The following CFAP221 variants were observed in gnomAD, a reference collection of about 807,000 sequenced individuals.
CFAP221 encodes cilia and flagella associated protein 221.
CFAP221 carries 97 observed loss-of-function variants against 113.1 expected under a neutral mutation model. The ratio of observed to expected loss-of-function variants is 0.86; its 90% CI spans 0.73 to 1.02. The LOEUF (loss-of-function observed/expected upper bound fraction) is 1.02, where lower values mean the gene tolerates loss of function less well. Among genes scored for constraint, CFAP221 ranks in the 50% least tolerant of loss-of-function variants. CFAP221 has a pLI of 0.00. For synonymous variants in CFAP221, 331 were observed against 354.4 expected (o/e 0.93, Z 0.74); for missense variants, 1,025 against 1,013.4 (o/e 1.01, Z -0.16).
At chr2:119,565,569 G>A (rs1202124459) in intron 6 of CFAP221, among the ~76,000 whole-genome samples, 5 of 152,084 alleles carry the variant, frequency 3.3e-5, no homozygotes, top group Non-Finnish European at 7.4e-5. Flanking sequence ...AAGCTACTTT[G>A]TATATAACAC....
chr2:119,610,176 A>G (rs1029856815), intron 12 of CFAP221, among the ~76,000 whole-genome samples: 6 of 152,118 alleles, frequency 3.9e-5, no homozygotes, highest in Admixed American at 3.9e-4. Flanking sequence ...AGTGACAGCC[A>G]AGGAGCAGTC....
chr2:119,578,717 C>G (rs1369401391), intron 6 of CFAP221, among the ~76,000 whole-genome samples: 2 of 152,176 alleles, frequency 1.3e-5, no homozygotes, highest in Admixed American at 6.5e-5. Flanking sequence ...TGAACCTAGT[C>G]ATCGTGGAAA....
intron 6 of CFAP221, among the ~76,000 whole-genome samples, chr2:119,571,038 C>G (rs1410106934): frequency 6.6e-6 from 1 of 151,774 alleles, no homozygotes; most frequent in African/African-American, 2.4e-5. Flanking sequence ...GAGTTCAAGA[C>G]CAGCCTGGCC....
chr2:119,609,348 T>TA (rs1180831828), intron 12 of CFAP221, among the ~76,000 whole-genome samples: 1 of 152,198 alleles, frequency 6.6e-6, no homozygotes, highest in African/African-American at 2.4e-5. Flanking sequence ...CAGACTGCCA[T>TA]AACAAAGTAC....
chr2:119,653,241 C>T (rs956432080), intron 23 of CFAP221, among the ~76,000 whole-genome samples: 5 of 151,728 alleles, frequency 3.3e-5, no homozygotes, highest in East Asian at 3.9e-4. Context: ...ATTAGCTGGG[C>T]GTGGTGGCAG....
chr2:119,560,866 T>A (rs926126580), intron 5 of CFAP221, among the ~76,000 whole-genome samples: 2 of 152,078 alleles, frequency 1.3e-5, no homozygotes, highest in Admixed American at 6.5e-5. Flanking sequence ...CTTCGTCATA[T>A]TAGAGATGCA....
At chr2:119,604,342 G>C (rs1214448251) in intron 8 of CFAP221, among the ~76,000 whole-genome samples, 1 of 151,930 alleles carries the variant, frequency 6.6e-6, no homozygotes, top group African/African-American at 2.4e-5. Context: ...GCTGAGGCAG[G>C]AGAATCACTT....
rs200240028 is a variant in CFAP221 at position 119,627,756 on chromosome 2, C to G, written c.1620C>G (p.Asp540Glu). Residue 540 changes from aspartate (D) to glutamate (E), a missense_variant, in exon 16 of 24, where the codon GAC becomes GAG. Asp to Glu is a conservative substitution (Grantham distance 45). Coordinates refer to ENST00000413369, the MANE Select transcript of CFAP221 (RefSeq NM_001271049.2). ...AGGTGCTGCCCTTCGCTTTCCCAGA[C>G]TGCAGCCCACCCCAGGACTCCAACG... Reference protein sequence around the residue: ...PKEVLPFAFPDCSPPQDSNEL... With the variant: ...PKEVLPFAFPECSPPQDSNEL... 6.2e-7 allele frequency: 1 copy of G among 1,613,918 alleles called. No individual in the cohort carries two copies. The highest frequency in any genetic ancestry group is 1.3e-5 in the African/African-American group (1 of 74,978).
chr2:119,589,780 CCTG>C (rs1170930459), intron 7 of CFAP221: 2 of 152,322 alleles, frequency 1.3e-5, no homozygotes, highest in East Asian at 3.9e-4. Context: ...AAAAGCTGGA[CCTG>C]CTGTTGTTGG....
chr2:119,643,108 C>T (rs1397774982), intron 21 of CFAP221, among the ~76,000 whole-genome samples: 2 of 152,134 alleles, frequency 1.3e-5, no homozygotes, highest in African/African-American at 2.4e-5. Context: ...TATGTTTCAA[C>T]GTGAATTTGG....
intron 7 of CFAP221, among the ~76,000 whole-genome samples, chr2:119,596,562 A>G (rs184873751): frequency 1.3e-5 from 2 of 152,364 alleles, no homozygotes; most frequent in Admixed American, 6.5e-5. Flanking sequence ...TGAGGTCTGC[A>G]TTTTGGATAT....
intron 14 of CFAP221, 120 bp downstream of exon 14, chr2:119,615,829 C>A: frequency 2.8e-6 from 2 of 704,322 alleles, no homozygotes; most frequent in Non-Finnish European, 4.6e-6. Context: ...AAAATTCACC[C>A]TTGTAAAATG....
intron 8 of CFAP221, among the ~76,000 whole-genome samples, chr2:119,604,317 C>T (rs1228393020): frequency 6.6e-6 from 1 of 151,830 alleles, no homozygotes; most frequent in Non-Finnish European, 1.5e-5. Context: ...GCATGTAGTC[C>T]CAGGTATGCG....
intron 7 of CFAP221, among the ~76,000 whole-genome samples, chr2:119,593,566 A>G (rs1574080410): frequency 6.6e-6 from 1 of 152,142 alleles, no homozygotes; most frequent in Non-Finnish European, 1.5e-5. Flanking sequence ...TTGGCCGGGC[A>G]TGGTGGCTTA....
intron 10 of CFAP221, 79 bp downstream of exon 10, chr2:119,605,066 A>G: frequency 6.7e-7 from 1 of 1,500,506 alleles, no homozygotes; most frequent in Non-Finnish European, 9.2e-7. Flanking sequence ...ATTACCTATG[A>G]ACAACAAAAT....
At chr2:119,648,107 C>G (rs754689570) in intron 22 of CFAP221, among the ~76,000 whole-genome samples, 3 of 152,184 alleles carry the variant, frequency 2.0e-5, no homozygotes, top group Non-Finnish European at 2.9e-5. Flanking sequence ...ACTACATGCC[C>G]AATGTTTAGT....
intron 3 of CFAP221, among the ~76,000 whole-genome samples, chr2:119,558,229 C>T (rs1030994921): frequency 6.6e-6 from 1 of 152,116 alleles, no homozygotes; most frequent in Non-Finnish European, 1.5e-5. Flanking sequence ...GCTGAGTGGC[C>T]CCTCTCCATC....
At position 119,656,490 on chromosome 2, in the gene CFAP221, C is replaced by G; in HGVS notation, c.*20C>G. On this transcript the variant is annotated 3_prime_UTR_variant, in exon 24 of 24. Coordinates refer to ENST00000413369, the MANE Select transcript of CFAP221 (RefSeq NM_001271049.2). ...GAATGAAAGTCACCAGTAGGTCAGTCCCTTCCATTTGCTTTCCGTGGGCCA... is the reference window on the plus strand; with the variant it reads ...GAATGAAAGTCACCAGTAGGTCAGTGCCTTCCATTTGCTTTCCGTGGGCCA... 1 of 1,582,220 alleles carries G rather than the reference C, an allele frequency of 6.3e-7. No individual in the cohort carries two copies.
chr2:119,645,433 C>A (rs1158708187), intron 21 of CFAP221, among the ~76,000 whole-genome samples: 2 of 150,814 alleles, frequency 1.3e-5, no homozygotes, highest in Non-Finnish European at 2.9e-5. Context: ...ATACATTTTT[C>A]TTTTTTTCCC....
Sources: gnomAD v4.1 joint callset for allele counts (sites outside exome capture counted in the v4.1 genomes callset) on GRCh38, gnomAD v4.1.1 for gene constraint, MANE v1.5 for transcripts, NCBI Gene and HGNC (gene_info 2026-07-23, HGNC 2026-07-21) for gene names.